The following DGKZ variants were observed in gnomAD, a reference collection of about 807,000 sequenced individuals.
DGKZ encodes the protein diacylglycerol kinase zeta, also known as DAG kinase zeta.
DGKZ carries 45 observed loss-of-function variants against 142.5 expected under a neutral mutation model. The observed-to-expected ratio is 0.32, with a 90% confidence interval of 0.25 to 0.40. DGKZ has a LOEUF of 0.40. Ranked by LOEUF, DGKZ falls within the 10% of genes least tolerant of loss-of-function variation. DGKZ has a pLI of 1.00. For missense variants in DGKZ, 755 were observed against 1,306.5 expected, an observed-to-expected ratio of 0.58 and a Z score of 6.51; for synonymous variants, 442 against 527.0, an observed-to-expected ratio of 0.84 and a Z score of 2.21.
At chr11:46,360,268 T>C (rs542577429) in intron 1 of DGKZ, among the ~76,000 whole-genome samples, 7 of 152,348 alleles carry the variant, frequency 4.6e-5, no homozygotes, top group South Asian at 4.1e-4. Flanking sequence ...AATGGGCTTA[T>C]TGTTTTAAGC....
chr11:46,341,283 G>A (rs553826734), intron 1 of DGKZ, among the ~76,000 whole-genome samples: 1 of 152,328 alleles, frequency 6.6e-6, no homozygotes, highest in South Asian at 2.1e-4. Flanking sequence ...ACAAACTCAT[G>A]TACCCAGCAC....
At chr11:46,335,491 C>A (rs1322279298) in intron 1 of DGKZ, among the ~76,000 whole-genome samples, 1 of 152,170 alleles carries the variant, frequency 6.6e-6, no homozygotes, top group Non-Finnish European at 1.5e-5. Context: ...CCCTGGGTGG[C>A]CCCAGAAGGG....
intron 1 of DGKZ, among the ~76,000 whole-genome samples, chr11:46,354,906 A>G (rs1273364529): frequency 1.3e-5 from 2 of 152,140 alleles, no homozygotes; most frequent in African/African-American, 2.4e-5. Flanking sequence ...GTCCGATTCC[A>G]TTGTGTAACA....
At chr11:46,360,326 A>C (rs1200318894) in intron 1 of DGKZ, among the ~76,000 whole-genome samples, 3 of 152,152 alleles carry the variant, frequency 2.0e-5, no homozygotes, top group African/African-American at 7.2e-5. Flanking sequence ...GATATGATAC[A>C]TATTAATAGC....
Position 46,367,469 on chromosome 11 carries a change from G to A in DGKZ, c.270+70G>A. The A allele has an allele frequency of 6.6e-7, 1 of 1,515,854 alleles. No homozygotes were observed. The highest frequency in any genetic ancestry group is 9.0e-7 in the Non-Finnish European group (1 of 1,107,338). The allele number at this position is 1,515,854 out of a possible 1,614,324, so 93.9% of individuals were successfully genotyped here. A position where few individuals can be genotyped will look rare whatever the true frequency, so the allele number is the denominator to read the frequency against. ...GGCCAAGGCGCAGCTGGCGGGTGGA[G>A]GCACTAAAGGCAGCTGGGAGAGCCA... On this transcript the variant is annotated intron_variant, in intron 2 of 30. Coordinates refer to ENST00000527911, the Ensembl canonical transcript of DGKZ. The surrounding 1 kb of genome is among the most constrained non-coding windows in gnomAD (Gnocchi z 4.1).
rs188945658 is a variant in DGKZ at position 46,380,100 on chromosome 11, C to T, written c.*153C>T. On this transcript the variant is annotated 3_prime_UTR_variant, in exon 31 of 31. Coordinates refer to ENST00000527911, the Ensembl canonical transcript of DGKZ. ...CCGCCCCCTAAGGAGCCGCCCAGAC[C>T]TAGGGCTGGACTCAGGAGCTGGGGG... The T allele has an allele frequency of 1.0e-3, 816 of 791,338 alleles. 7 individuals carry two copies. In the East Asian group the frequency reaches 0.021, roughly 20 times the overall value. 49.0% of individuals were successfully genotyped at this position (791,338 alleles called of 1,614,324 possible). A position where few individuals can be genotyped will look rare whatever the true frequency, so the allele number is the denominator to read the frequency against.
exon 31 of DGKZ, chr11:46,379,929 C>T (rs1477635745): frequency 2.5e-6 from 4 of 1,606,878 alleles, no homozygotes; most frequent in Admixed American, 3.4e-5. Flanking sequence ...AGCGGGAGGA[C>T]CAGGAGACGG....
intron 27 of DGKZ, 72 bp from the exon 28 acceptor site, chr11:46,378,919 G>A (rs754162093): frequency 3.6e-5 from 54 of 1,493,968 alleles, no homozygotes; most frequent in East Asian, 1.4e-4. Context: ...CCCGGCTGTG[G>A]GCCAGCGTGT....
rs1056356875 is a variant in DGKZ, at chr11:46,333,389, C to A, written c.114C>A (p.Val38=). ...GCCGGCGCGGGGAGGAGGCCCAGGT[C>A]GCGCAGCCCTGGCCCGAGGGTTCCC... Residue 38 remains valine, a synonymous_variant, in exon 1 of 31, where the codon GTC becomes GTA. Transcript: ENST00000343674. 6 of 1,430,660 alleles carry A rather than the reference C, an allele frequency of 4.2e-6. No individual in the cohort carries two copies. In the African/African-American group the frequency reaches 4.6e-5, roughly 11 times the overall value. The allele number at this position is 1,430,660 out of a possible 1,614,324, so 88.6% of individuals were successfully genotyped here. A position where few individuals can be genotyped will look rare whatever the true frequency, so the allele number is the denominator to read the frequency against.
At chr11:46,380,291 G>T (rs768012769), downstream of DGKZ, 3 of 186,744 alleles carry the variant, frequency 1.6e-5, no homozygotes, top group Non-Finnish European at 3.4e-5. Context: ...AGGCCTTCGG[G>T]AAGAGGCTTC....
chr11:46,362,573 C>G (rs1322266014), intron 1 of DGKZ, among the ~76,000 whole-genome samples: 1 of 152,228 alleles, frequency 6.6e-6, no homozygotes, highest in Non-Finnish European at 1.5e-5. Context: ...TCATCGCATC[C>G]AGACCTCCTT....
intron 1 of DGKZ, among the ~76,000 whole-genome samples, chr11:46,356,390 C>T (rs1454891121): frequency 6.6e-6 from 1 of 152,136 alleles, no homozygotes; most frequent in Non-Finnish European, 1.5e-5. Flanking sequence ...AGGCTGAGTC[C>T]AGACCATGCG....
At chr11:46,378,474 G>C in exon 27 of DGKZ, 1 of 1,607,084 alleles carries the variant, frequency 6.2e-7, no homozygotes. Context: ...GCTGATTGAG[G>C]CTGCCAAGAG....
intron 1 of DGKZ, among the ~76,000 whole-genome samples, chr11:46,360,789 GAAAA>G (rs879709020): frequency 7.0e-6 from 1 of 143,774 alleles, no homozygotes; most frequent in African/African-American, 2.6e-5. Flanking sequence ...CCATCTCAAA[GAAAA>G]AAAAAAAGAG....
intron 1 of DGKZ, among the ~76,000 whole-genome samples, chr11:46,341,256 A>G (rs1156439915): frequency 2.0e-5 from 3 of 152,210 alleles, no homozygotes; most frequent in East Asian, 1.9e-4. Context: ...GGCAACTTCC[A>G]TAGGAAGTCA....
At chr11:46,344,061 T>C (rs1011683315), upstream of DGKZ, among the ~76,000 whole-genome samples, 1 of 152,142 alleles carries the variant, frequency 6.6e-6, no homozygotes, top group Non-Finnish European at 1.5e-5. Context: ...ACGATTCTCC[T>C]GCCTCAGCCT....
intron 1 of DGKZ, among the ~76,000 whole-genome samples, chr11:46,355,005 C>G (rs1349789399): frequency 6.6e-6 from 1 of 152,246 alleles, no homozygotes; most frequent in East Asian, 1.9e-4. Context: ...GTTCTCTCCA[C>G]CAGTGCTTGC....
exon 18 of DGKZ, chr11:46,374,780 C>T: frequency 6.2e-7 from 1 of 1,612,132 alleles, no homozygotes; most frequent in Non-Finnish European, 8.5e-7. Context: ...ATGGAATGGA[C>T]TTGACTCCCA....
intron 1 of DGKZ, chr11:46,364,717 C>T (rs779238346): frequency 1.3e-5 from 13 of 985,324 alleles, no homozygotes; most frequent in African/African-American, 3.5e-5. Context: ...GCTAGACGTG[C>T]GGCCTGGGCC....
Sources: allele counts gnomAD v4.1 joint callset (sites outside exome capture counted in the v4.1 genomes callset), GRCh38; gene constraint gnomAD v4.1.1; non-coding constraint Gnocchi (gnomAD v3.1); transcripts MANE v1.5; gene names NCBI Gene and HGNC (gene_info 2026-07-23, HGNC 2026-07-21).